Variants in SACM1L observed in about 807,000 individuals in gnomAD.
SACM1L encodes the protein SAC1 like phosphatidylinositide phosphatase, also known as phosphatidylinositol-3-phosphatase SAC1.
In SACM1L, 32 loss-of-function variants were observed where a neutral mutation model predicts 89.5. The ratio of observed to expected loss-of-function variants is 0.36; its 90% CI spans 0.27 to 0.48. The LOEUF is 0.48. Among genes scored for constraint, SACM1L ranks in the 20% least tolerant of loss-of-function variants. The probability of loss-of-function intolerance (pLI) is 0.99; values close to 1 mark genes in which losing one functional copy is unlikely to be tolerated. For synonymous variants in SACM1L, 213 were observed against 232.8 expected (o/e 0.92, Z 0.77); for missense variants, 543 against 708.5 (o/e 0.77, Z 2.65).
At chr3:45,722,561 A>G (rs1698812594) in intron 9 of SACM1L, among the ~76,000 whole-genome samples, 1 of 152,230 alleles carries the variant, frequency 6.6e-6, no homozygotes, top group African/African-American at 2.4e-5. Flanking sequence ...TAATTTTTTC[A>G]TAATGCCAAA....
chr3:45,740,928 T>C (rs1699299956), intron 19 of SACM1L, among the ~76,000 whole-genome samples: 1 of 152,244 alleles, frequency 6.6e-6, no homozygotes, highest in Non-Finnish European at 1.5e-5. Context: ...CCTGAGAACC[T>C]GAGGAGACAA....
chr3:45,713,160 T>C lies in SACM1L; in HGVS notation c.507T>C (p.Asn169=). Residue 169 remains asparagine, a synonymous_variant, in exon 6 of 20, where the codon AAT becomes AAC. Coordinates refer to ENST00000389061, the MANE Select transcript of SACM1L (RefSeq NM_014016.5). The part of the protein sequence containing the change: ...LERADQRFVW[N]GHLLRELSAQ... ...AGGCAGATCAGCGGTTTGTATGGAATGGTCATCTTCTAAGAGAACTTTCTG... is the reference window on the plus strand; with the variant it reads ...AGGCAGATCAGCGGTTTGTATGGAACGGTCATCTTCTAAGAGAACTTTCTG... The C allele has an allele frequency of 1.2e-6, 2 of 1,612,868 alleles. No homozygotes were observed. Among genetic ancestry groups the C allele is most frequent in the Non-Finnish European group, 1.7e-6 (2 of 1,179,560 alleles).
intron 11 of SACM1L, among the ~76,000 whole-genome samples, chr3:45,723,904 T>G (rs1442959268): frequency 6.6e-6 from 1 of 152,132 alleles, no homozygotes; most frequent in East Asian, 1.9e-4. Flanking sequence ...TTTCATTCTT[T>G]TTTTAAGACT....
At chr3:45,743,489 T>A in intron 19 of SACM1L, 44 bp from the exon 20 acceptor site, 3 of 1,570,182 alleles carry the variant, frequency 1.9e-6, no homozygotes, top group Non-Finnish European at 2.6e-6. Flanking sequence ...GGGTCTGATA[T>A]CAACAAACGA....
chr3:45,725,885 T>C (rs1203017650), intron 11 of SACM1L, among the ~76,000 whole-genome samples: 2 of 152,118 alleles, frequency 1.3e-5, no homozygotes, highest in East Asian at 1.9e-4. Context: ...TTCTAAGTTA[T>C]CCAGTTGAGT....
chr3:45,699,224 T>C (rs1434577438), intron 1 of SACM1L, among the ~76,000 whole-genome samples: 1 of 151,964 alleles, frequency 6.6e-6, no homozygotes, highest in Non-Finnish European at 1.5e-5. Context: ...ATGGCACATG[T>C]ATACATATGT....
intron 5 of SACM1L, among the ~76,000 whole-genome samples, chr3:45,712,195 A>G (rs1218400604): frequency 6.6e-6 from 1 of 152,172 alleles, no homozygotes; most frequent in Non-Finnish European, 1.5e-5. Flanking sequence ...TTCAGTTGGT[A>G]TGCTTCATAA....
intron 1 of SACM1L, among the ~76,000 whole-genome samples, chr3:45,701,528 A>T (rs1698267656): frequency 6.6e-6 from 1 of 152,232 alleles, no homozygotes; most frequent in African/African-American, 2.4e-5. Flanking sequence ...TTTAAAAAAA[A>T]TGGCTTAAGA....
intron 4 of SACM1L, 181 bp downstream of exon 4, chr3:45,707,088 G>A: frequency 2.1e-6 from 1 of 480,132 alleles, no homozygotes; most frequent in Non-Finnish European, 3.4e-6. Context: ...ATCATTTGTT[G>A]CTCTTGTTTT....
In SACM1L at chr3:45,692,177, A is replaced by G. The variant is rs2125678528; in HGVS notation, c.32+2680A>G. The stretch of plus-strand genomic sequence containing the variant: ...AGAGATCTCAGGTTTTGTTAGTCAG[A>G]ATGGATATGGATTCATATCTTAACT... On this transcript the variant is annotated intron_variant, in intron 1 of 19. Transcript: ENST00000389061. Among the ~76,000 whole-genome samples the G allele has an allele frequency of 1.3e-5, 2 of 152,294 alleles. 1 individual carries two copies. Among genetic ancestry groups the G allele is most frequent in the South Asian group, 4.1e-4 (2 of 4,826 alleles).
chr3:45,715,728 C>T (rs113110844), intron 7 of SACM1L, among the ~76,000 whole-genome samples: 4 of 150,112 alleles, frequency 2.7e-5, no homozygotes, highest in South Asian at 2.1e-4. Context: ...GAGCCGAGAT[C>T]GTGCCACTGC....
intron 7 of SACM1L, among the ~76,000 whole-genome samples, chr3:45,714,450 G>A (rs1698601551): frequency 6.6e-6 from 1 of 152,120 alleles, no homozygotes; most frequent in Non-Finnish European, 1.5e-5. Flanking sequence ...TTAGACTTAG[G>A]CCGGGCATGG....
At chr3:45,692,857 AG>A (rs1375117879) in intron 1 of SACM1L, among the ~76,000 whole-genome samples, 1 of 152,252 alleles carries the variant, frequency 6.6e-6, no homozygotes, top group Non-Finnish European at 1.5e-5. Flanking sequence ...GTCAATCCAT[AG>A]TACTGTTTGA....
intron 2 of SACM1L, 56 bp from the exon 3 acceptor site, chr3:45,705,079 G>A: frequency 8.7e-7 from 1 of 1,144,730 alleles, no homozygotes; most frequent in Non-Finnish European, 1.3e-6. Context: ...CTAAATTTCT[G>A]TTTCTGTTGG....
intron 11 of SACM1L, among the ~76,000 whole-genome samples, chr3:45,723,986 A>G (rs1013275491): frequency 2.0e-5 from 3 of 151,938 alleles, no homozygotes; most frequent in African/African-American, 7.2e-5. Context: ...ACACACACAT[A>G]TACATGCATA....
intron 7 of SACM1L, among the ~76,000 whole-genome samples, chr3:45,717,456 G>A (rs1698687778): frequency 1.3e-5 from 2 of 152,210 alleles, no homozygotes; most frequent in Non-Finnish European, 2.9e-5. Flanking sequence ...ATGAACCTGA[G>A]AATAGTTACT....
At position 45,726,869 on chromosome 3, in the gene SACM1L, CTTTTTTTT is replaced by C. The variant is rs1158423503; in HGVS notation, c.921+3346_921+3353del. ...CCTCAGCACTGCTTTTGCTTTATTT[CTTTTTTTT>C]TTTTTTTTTTTTTTTTTTTGAGACG... On this transcript the variant is annotated intron_variant, in intron 11 of 19. Transcript: ENST00000389061. 9.6e-5 allele frequency among the ~76,000 whole-genome samples: 5 copies of C among 52,342 alleles called. 1 individual carries two copies. The highest frequency in any genetic ancestry group is 3.6e-4 in the Admixed American group (2 of 5,558). 34.3% of individuals were successfully genotyped at this position (52,342 alleles called of 152,430 possible). A position where few individuals can be genotyped will look rare whatever the true frequency, so the allele number is the denominator to read the frequency against.
At chr3:45,732,972 T>C (rs922322179) in intron 13 of SACM1L, among the ~76,000 whole-genome samples, 1 of 152,256 alleles carries the variant, frequency 6.6e-6, no homozygotes, top group South Asian at 2.1e-4. Context: ...CATTAGGTAA[T>C]CAACTACAGT....
chr3:45,737,759 CT>C lies in SACM1L; in HGVS notation c.1310-7del. ...TCTTAATAATTATCAGCTGTTTTTA[CT>C]TTTTTCTACAGCCTGGGCTGACAAC... On this transcript the variant is annotated splice_polypyrimidine_tract_variant and intron_variant, in intron 15 of 19. Coordinates refer to ENST00000389061, the MANE Select transcript of SACM1L (RefSeq NM_014016.5). 6.2e-7 allele frequency: 1 copy of C among 1,607,696 alleles called. No individual in the cohort carries two copies. The highest frequency in any genetic ancestry group is 8.5e-7 in the Non-Finnish European group (1 of 1,177,818).
Sources: gnomAD v4.1 joint callset for allele counts (sites outside exome capture counted in the v4.1 genomes callset) on GRCh38, gnomAD v4.1.1 for gene constraint, MANE v1.5 for transcripts, NCBI Gene and HGNC (gene_info 2026-07-23, HGNC 2026-07-21) for gene names.